Variants in IGLON5 observed in about 807,000 individuals in gnomAD.
The protein encoded by IGLON5 is Ig-like domain-containing protein ENSP00000270642.
IGLON5 carries 16 observed loss-of-function variants against 38.2 expected under a neutral mutation model. The ratio of observed to expected loss-of-function variants is 0.42; its 90% confidence interval spans 0.28 to 0.64. IGLON5 has a LOEUF of 0.64. Among genes scored for constraint, IGLON5 ranks in the 30% least tolerant of loss-of-function variants. The pLI is 0.23. For synonymous variants in IGLON5, 207 were observed against 216.4 expected (o/e 0.96, Z 0.38); for missense variants, 366 against 483.4 (o/e 0.76, Z 2.28).
At position 51,325,283 on chromosome 19, in the gene IGLON5, G is replaced by C. The variant is rs763831763; in HGVS notation, c.392-63G>C. On this transcript the variant is annotated intron_variant, in intron 3 of 7. Coordinates refer to ENST00000270642, the MANE Select transcript of IGLON5 (RefSeq NM_001101372.3). The surrounding 1 kb of genome is among the most constrained non-coding windows in gnomAD (Gnocchi z 5.5). ...GGGGGTCTGGACTCCTGGGTCTGAA[G>C]GAGGAAGGGCTGGGGGCCTGGATTC... is the stretch of plus-strand genomic sequence containing the variant. The C allele has an allele frequency of 1.1e-5, 17 of 1,580,182 alleles. No individual in the cohort carries two copies. The highest frequency in any genetic ancestry group is 1.3e-5 in the Non-Finnish European group (15 of 1,163,698).
Position 51,328,719 on chromosome 19 carries a change from C to G in IGLON5, c.971C>G (p.Ala324Gly). ...GCCCCGAGGCCCCCAGGGCTCCTGGCCCTCCTCTCCGCCCTGGGCTGGCTG... is the reference window on the plus strand; with the variant it reads ...GCCCCGAGGCCCCCAGGGCTCCTGGGCCTCCTCTCCGCCCTGGGCTGGCTG... Reference protein sequence around the residue: ...NSAPRPPGLLALLSALGWLWW... With the variant: ...NSAPRPPGLLGLLSALGWLWW... Residue 324 changes from alanine (A) to glycine (G), a missense_variant, in exon 8 of 8, where the codon GCC becomes GGC. Transcript: ENST00000270642. 6.2e-7 allele frequency: 1 copy of G among 1,600,552 alleles called. No homozygotes were observed. The highest frequency in any genetic ancestry group is 8.5e-7 in the Non-Finnish European group (1 of 1,173,780).
intron 1 of IGLON5, among the ~76,000 whole-genome samples, chr19:51,314,417 C>T (rs530972679): frequency 6.6e-6 from 1 of 152,286 alleles, no homozygotes; most frequent in East Asian, 1.9e-4. Context: ...CTCCTGACCT[C>T]AGGTGATCTG....
Position 51,324,359 on chromosome 19 carries a change from G to A in IGLON5, c.391+465G>A, listed in dbSNP as rs1487920413. On this transcript the variant is annotated intron_variant, in intron 3 of 7. Coordinates refer to ENST00000270642, the MANE Select transcript of IGLON5 (RefSeq NM_001101372.3). This position sits in a 1 kb window ranked among gnomAD's most constrained non-coding sequence, Gnocchi z 4.2. ...AGGGCCAGGCAAGAAGATGAGCCAA[G>A]TGTGCAAAGGGAAGTCTCATGAGGC... is the stretch of plus-strand genomic sequence containing the variant. Among the ~76,000 whole-genome samples the A allele has an allele frequency of 6.6e-6, 1 of 152,218 alleles. No individual in the cohort carries two copies. Among genetic ancestry groups the A allele is most frequent in the Non-Finnish European group, 1.5e-5 (1 of 68,044 alleles).
chr19:51,328,512 A>G (rs560691072), intron 7 of IGLON5, among the ~76,000 whole-genome samples, 159 bp from the exon 8 acceptor site: 22 of 151,580 alleles, frequency 1.5e-4, no homozygotes, highest in Non-Finnish European at 2.1e-4. Context: ...AAAGAAAAAA[A>G]AAAAAAAAAA....
At chr19:51,311,954 C>A in intron 1 of IGLON5, 28 bp downstream of exon 1, 3 of 1,222,154 alleles carry the variant, frequency 2.5e-6, no homozygotes, top group South Asian at 4.7e-5. Context: ...GCGGGGGGCT[C>A]GGCCGGGACG....
intron 1 of IGLON5, among the ~76,000 whole-genome samples, chr19:51,321,271 G>A (rs1016677154): frequency 1.4e-4 from 21 of 152,198 alleles, no homozygotes; most frequent in Middle Eastern, 3.4e-3. Context: ...TCCGCCTCCC[G>A]AGTTCAAGTG....
At chr19:51,319,298 T>C (rs1215686578) in intron 1 of IGLON5, among the ~76,000 whole-genome samples, 14 of 95,246 alleles carry the variant, frequency 1.5e-4, no homozygotes, top group East Asian at 1.1e-3. Flanking sequence ...ATTCCCTGTG[T>C]GTGTGCGTGT....
rs150879756 is a variant in IGLON5 at position 51,326,029 on chromosome 19, C to T, written c.511+564C>T. Among the ~76,000 whole-genome samples the T allele has an allele frequency of 2.0e-4, 30 of 152,254 alleles. No homozygotes were observed. In the East Asian group the frequency reaches 2.7e-3, roughly 14 times the overall value. On this transcript the variant is annotated intron_variant, in intron 4 of 7. Transcript: ENST00000270642. ...ACCAGTGCTCAAGGTTACCCACAAACGGCGCCAGAGTGCCCATATATGACA... is the reference window on the plus strand; with the variant it reads ...ACCAGTGCTCAAGGTTACCCACAAATGGCGCCAGAGTGCCCATATATGACA...
rs1429000076 is a variant in IGLON5 at position 51,329,607 on chromosome 19, C to T, written c.*848C>T. 1 of 152,216 alleles carries T rather than the reference C, an allele frequency of 6.6e-6. No homozygotes were observed. The highest frequency in any genetic ancestry group is 1.5e-5 in the Non-Finnish European group (1 of 68,060). 9.4% of individuals were successfully genotyped at this position (152,216 alleles called of 1,614,324 possible). On this transcript the variant is annotated 3_prime_UTR_variant, in exon 8 of 8. Transcript: ENST00000270642. This position sits in a 1 kb window ranked among gnomAD's most constrained non-coding sequence, Gnocchi z 4.3. ...CAGACTGGTGGCAGGAGTCACCTGT[C>T]TGTTTCAGTGCTTTGCCCTACCCTT...
chr19:51,326,029 C>CG (rs2123533594), intron 4 of IGLON5, among the ~76,000 whole-genome samples: 1 of 152,254 alleles, frequency 6.6e-6, no homozygotes, highest in East Asian at 1.9e-4. Context: ...TACCCACAAA[C>CG]GGCGCCAGAG....
In IGLON5 at chr19:51,311,856, C is replaced by G. The variant is rs562563036; in HGVS notation, c.9C>G (p.Pro3=). 53 of 1,319,072 alleles carry G rather than the reference C, an allele frequency of 4.0e-5. No homozygotes were observed. Among genetic ancestry groups the G allele is most frequent in the African/African-American group, 1.5e-4 (10 of 64,842 alleles). The allele number at this position is 1,319,072 out of a possible 1,614,324, so 81.7% of individuals were successfully genotyped here. A position where few individuals can be genotyped will look rare whatever the true frequency, so the allele number is the denominator to read the frequency against. The change falls in exon 1 of 8, where the codon CCC becomes CCG. Residue 3 remains proline, a synonymous_variant. Transcript: ENST00000270642. MP[P]PAPGARLRLL... Reference sequence around the variant, plus strand: ...GCGCCGCCTCTGCCGCGATGCCCCCCCCTGCGCCCGGGGCCCGGCTCCGGC... The same window carrying G: ...GCGCCGCCTCTGCCGCGATGCCCCCGCCTGCGCCCGGGGCCCGGCTCCGGC...
intron 1 of IGLON5, among the ~76,000 whole-genome samples, chr19:51,321,059 A>G (rs960254748): frequency 1.3e-5 from 2 of 152,134 alleles, no homozygotes; most frequent in Non-Finnish European, 2.9e-5. Context: ...GTATCTGTGC[A>G]TAAGTGTTCT....
chr19:51,323,071 G>T (rs1171036964), intron 2 of IGLON5, among the ~76,000 whole-genome samples: 1 of 140,600 alleles, frequency 7.1e-6, no homozygotes, highest in East Asian at 2.2e-4. Flanking sequence ...CTCTCTGGGT[G>T]TCTGTATCTG....
rs533356963 is a variant in IGLON5, at chr19:51,325,758, G to T, written c.511+293G>T. Among the ~76,000 whole-genome samples the T allele has an allele frequency of 6.6e-6, 1 of 152,092 alleles. No homozygotes were observed. The highest frequency in any genetic ancestry group is 1.9e-4 in the East Asian group (1 of 5,146). ...CAGTGTCCCCGATGTCTCCCCACGC[G>T]CTCACAGCATTCTCCTGGGCTGAGA... is the stretch of plus-strand genomic sequence containing the variant. On this transcript the variant is annotated intron_variant, in intron 4 of 7. Coordinates refer to ENST00000270642, the MANE Select transcript of IGLON5 (RefSeq NM_001101372.3). This position sits in a 1 kb window ranked among gnomAD's most constrained non-coding sequence, Gnocchi z 5.5.
In IGLON5 at chr19:51,327,143, G is replaced by A; in HGVS notation, c.710G>A (p.Arg237His). 6.2e-7 allele frequency: 1 copy of A among 1,612,364 alleles called. No individual in the cohort carries two copies. The highest frequency in any genetic ancestry group is 8.5e-7 in the Non-Finnish European group (1 of 1,179,648). ...GCGCTGGGCCGGGCCGCCCTCCTGC[G>A]CTGCGAAGCCATGGCGGTTCCCCCC... ...RTALGRAALL[R>H]CEAMAVPPAD... Residue 237 changes from arginine (R) to histidine (H), a missense_variant, in exon 6 of 8, where the codon CGC becomes CAC. Transcript: ENST00000270642. This position sits in a 1 kb window ranked among gnomAD's most constrained non-coding sequence, Gnocchi z 7.1.
rs749276535 is a variant in IGLON5, at chr19:51,323,914, C to T, written c.391+20C>T. On this transcript the variant is annotated intron_variant, in intron 3 of 7. Transcript: ENST00000270642. The stretch of plus-strand genomic sequence containing the variant: ...TCCACGGTGAGCCCTTGGCCGGGGC[C>T]TGGCTGGGTGGAGGGGTTGAGAGCG... 5.8e-6 allele frequency: 9 copies of T among 1,564,192 alleles called. No individual in the cohort carries two copies. The African/African-American group carries it at 1.2e-4, about 21-fold the overall frequency.
rs192521024 is a variant in IGLON5, at chr19:51,328,696, C to T, written c.948C>T (p.Ala316=). The change falls in exon 8 of 8, where the codon GCC becomes GCT. Residue 316 remains alanine (A), a synonymous_variant. Transcript: ENST00000270642. ...GCCCAGGATCCCTGGAGAACTCAGC[C>T]CCGAGGCCCCCAGGGCTCCTGGCCC... is the stretch of plus-strand genomic sequence containing the variant. ...LLRPGSLENS[A]PRPPGLLALL... 559 of 1,592,908 alleles carry T rather than the reference C, an allele frequency of 3.5e-4. 7 individuals carry two copies. The East Asian group carries it at 0.012, about 34-fold the overall frequency.
chr19:51,320,709 T>A (rs1985033741), intron 1 of IGLON5, among the ~76,000 whole-genome samples: 1 of 152,160 alleles, frequency 6.6e-6, no homozygotes, highest in Non-Finnish European at 1.5e-5. Flanking sequence ...GCATCTGTGA[T>A]GGATGTGTGT....
chr19:51,319,792 C>T (rs1022639176), intron 1 of IGLON5, among the ~76,000 whole-genome samples: 3 of 152,104 alleles, frequency 2.0e-5, no homozygotes, highest in African/African-American at 7.2e-5. Flanking sequence ...ACTGTATATA[C>T]ACACCTGTCC....
Sources: gnomAD v4.1 joint callset for allele counts (sites outside exome capture counted in the v4.1 genomes callset) on GRCh38, gnomAD v4.1.1 for gene constraint, Gnocchi (gnomAD v3.1) non-coding constraint, MANE v1.5 for transcripts, NCBI Gene and HGNC (gene_info 2026-07-23, HGNC 2026-07-21) for gene names.